Variants in LRRD1 observed in about 807,000 individuals in gnomAD.
LRRD1 encodes the protein leucine-rich repeat and death domain-containing protein 1.
In LRRD1, 49 loss-of-function variants were observed where a neutral mutation model predicts 69.5. The ratio of observed to expected loss-of-function variants is 0.70; its 90% CI spans 0.56 to 0.89. The LOEUF is 0.89. LRRD1 is among the 40% of genes least tolerant of loss of function. The probability of loss-of-function intolerance (pLI) is 0.00; values close to 1 mark genes in which losing one functional copy is unlikely to be tolerated. For missense variants in LRRD1, 853 were observed against 956.0 expected (o/e 0.89, Z 1.42); for synonymous variants, 303 against 338.9 (o/e 0.89, Z 1.16).
At chr7:92,170,320 A>C (rs1563194611) in intron 1 of LRRD1, among the ~76,000 whole-genome samples, 2 of 152,180 alleles carry the variant, frequency 1.3e-5, no homozygotes, top group Non-Finnish European at 2.9e-5. Flanking sequence ...AGAGGTAGAA[A>C]TCTTATTGAA....
chr7:92,166,583 AC>A (rs1489124102), intron 1 of LRRD1, among the ~76,000 whole-genome samples: 2 of 152,214 alleles, frequency 1.3e-5, no homozygotes, highest in African/African-American at 2.4e-5. Context: ...TAAAAAGCAT[AC>A]TACTTCATGA....
intron 1 of LRRD1, among the ~76,000 whole-genome samples, chr7:92,166,711 G>A (rs755910087): frequency 1.8e-4 from 27 of 152,160 alleles, no homozygotes; most frequent in Non-Finnish European, 3.2e-4. Flanking sequence ...AATAGATGTA[G>A]AAGTACTTGA....
chr7:92,154,697 GTTAT>G (rs548544140), intron 3 of LRRD1, among the ~76,000 whole-genome samples: 111 of 152,124 alleles, frequency 7.3e-4, no homozygotes, highest in African/African-American at 2.5e-3. Context: ...TTATATTGTG[GTTAT>G]TTATTTGTTT....
At chr7:92,175,149 T>C (rs1260509270) in intron 1 of LRRD1, among the ~76,000 whole-genome samples, 1 of 152,178 alleles carries the variant, frequency 6.6e-6, no homozygotes, top group Non-Finnish European at 1.5e-5. Flanking sequence ...TCAAAATATG[T>C]AGTTTATGGT....
chr7:92,148,284 C>A (rs751060686), intron 4 of LRRD1, among the ~76,000 whole-genome samples: 13 of 152,110 alleles, frequency 8.5e-5, no homozygotes, highest in Non-Finnish European at 1.9e-4. Context: ...ATTGCCCAAG[C>A]TGGTCTCGAA....
chr7:92,141,674 T>C (rs1820149563), downstream of LRRD1: 3 of 152,190 alleles, frequency 2.0e-5, no homozygotes, highest in Admixed American at 1.3e-4. Flanking sequence ...TAATGTTCTA[T>C]GGAAGTACCT....
At chr7:92,176,014 C>G (rs2131029015) in intron 1 of LRRD1, among the ~76,000 whole-genome samples, 1 of 152,268 alleles carries the variant, frequency 6.6e-6, no homozygotes, top group East Asian at 1.9e-4. Context: ...ATCTGGATAT[C>G]TGGTAGAGAA....
intron 3 of LRRD1, among the ~76,000 whole-genome samples, chr7:92,156,376 G>A (rs553969213): frequency 3.5e-4 from 54 of 152,278 alleles, no homozygotes; most frequent in African/African-American, 1.3e-3. Context: ...TTGGAATTGA[G>A]TTGAATTTAA....
downstream of LRRD1, among the ~76,000 whole-genome samples, chr7:92,144,365 A>T (rs1820258012): frequency 6.6e-6 from 1 of 152,206 alleles, no homozygotes; most frequent in African/African-American, 2.4e-5. Context: ...ATGGTGGCTC[A>T]CACCTGTAAT....
rs1241014211 is a variant in LRRD1 at position 92,159,137 on chromosome 7, C to T, written c.1984G>A (p.Ala662Thr). The stretch of plus-strand genomic sequence containing the variant: ...ATATTTCTTGGAATCTCTCTGATTG[C>T]ATTATTTGAGATATCAAGTTCTTTA... ...QLKELDISNN[A>T]IREIPRNIGE... The change falls in exon 3 of 6, where the codon GCA becomes ACA. Residue 662 changes from alanine to threonine, a missense_variant. Physicochemically the swap from Ala to Thr is moderately conservative, Grantham distance 58. Around this residue, in one of 3 missense-constraint regions of LRRD1, gnomAD observed 739 missense variants for 808.0 expected, o/e 0.91. Transcript: ENST00000458448. 1 of 1,546,040 alleles carries T rather than the reference C, an allele frequency of 6.5e-7. No individual in the cohort carries two copies. Among genetic ancestry groups the T allele is most frequent in the Non-Finnish European group, 8.7e-7 (1 of 1,145,042 alleles).
chr7:92,150,710 T>C lies in LRRD1; in HGVS notation c.2117-15A>G, dbSNP rs1820445697. 6.7e-7 allele frequency: 1 copy of C among 1,500,334 alleles called. No individual in the cohort carries two copies. Among genetic ancestry groups the C allele is most frequent in the Admixed American group, 2.1e-5 (1 of 47,022 alleles). 92.9% of individuals were successfully genotyped at this position (1,500,334 alleles called of 1,614,324 possible). A position where few individuals can be genotyped will look rare whatever the true frequency, so the allele number is the denominator to read the frequency against. ...CAGATTATTTCCTAGTAGAAAAAAATTAGAATTGAATTACATCTTTCTATA... is the reference window on the plus strand; with the variant it reads ...CAGATTATTTCCTAGTAGAAAAAAACTAGAATTGAATTACATCTTTCTATA... On this transcript the variant is annotated splice_polypyrimidine_tract_variant and intron_variant, in intron 3 of 5. Coordinates refer to ENST00000458448, the MANE Select transcript of LRRD1 (RefSeq NM_001161528.2).
At chr7:92,145,872 G>A (rs889629516) in intron 5 of LRRD1, among the ~76,000 whole-genome samples, 3 of 152,206 alleles carry the variant, frequency 2.0e-5, no homozygotes, top group Non-Finnish European at 4.4e-5. Flanking sequence ...AGCCAGTTGT[G>A]AGTAAAAGTC....
intron 3 of LRRD1, among the ~76,000 whole-genome samples, chr7:92,151,590 G>A (rs1021291878): frequency 6.6e-6 from 1 of 152,206 alleles, no homozygotes; most frequent in South Asian, 2.1e-4. Context: ...CCCTCAAGGG[G>A]GAGTGGGAAT....
At chr7:92,144,579 A>G (rs759543208), downstream of LRRD1, among the ~76,000 whole-genome samples, 8 of 150,522 alleles carry the variant, frequency 5.3e-5, no homozygotes, top group Non-Finnish European at 1.0e-4. Flanking sequence ...GTGAGCCAAG[A>G]TCACACCACT....
chr7:92,178,821 G>A (rs1470425173), intron 1 of LRRD1, 186 bp downstream of exon 1: 1 of 152,130 alleles, frequency 6.6e-6, no homozygotes, highest in East Asian at 1.9e-4. Flanking sequence ...GCACATTCAG[G>A]GAGTTACAGT....
intron 1 of LRRD1, among the ~76,000 whole-genome samples, chr7:92,174,716 C>T (rs1442471666): frequency 4.7e-5 from 7 of 148,676 alleles, no homozygotes; most frequent in Admixed American, 2.7e-4. Flanking sequence ...CCATGACGTC[C>T]GGTCCTAAAA....
Position 92,144,981 on chromosome 7 carries a change from A to ATC in LRRD1, c.2488_2489dup (p.Asp830GlufsTer4), listed in dbSNP as rs1563187436. 2 of 1,546,162 alleles carry ATC rather than the reference A, an allele frequency of 1.3e-6. No individual in the cohort carries two copies. On this transcript the variant is annotated frameshift_variant, in exon 6 of 6. Transcript: ENST00000458448. LOFTEE classifies it high-confidence loss of function. ...TCATAGTTAGTGCTCGAATTAGTTG[A>ATC]TCTCTTAAAGCAGCAGCAGTTAGTG...
intron 1 of LRRD1, among the ~76,000 whole-genome samples, chr7:92,175,082 C>T (rs1405692837): frequency 1.3e-5 from 2 of 151,544 alleles, no homozygotes; most frequent in Non-Finnish European, 2.9e-5. Flanking sequence ...AAAAACAAAA[C>T]ACAAAACACA....
At position 92,151,052 on chromosome 7, in the gene LRRD1, C is replaced by T. The variant is rs186505747; in HGVS notation, c.2117-357G>A. ...TTGTAGCAAGTTCTTCTGCATTCCT[C>T]ATCTAGCTTTAGTTTCTCCTAATGT... On this transcript the variant is annotated intron_variant, in intron 3 of 5. Transcript: ENST00000458448. Among the ~76,000 whole-genome samples, 363 of 152,338 alleles carry T rather than the reference C, an allele frequency of 2.4e-3. 2 individuals are homozygous for T. The highest frequency in any genetic ancestry group is 8.2e-3 in the African/African-American group (340 of 41,576).
Sources: allele counts gnomAD v4.1 joint callset (sites outside exome capture counted in the v4.1 genomes callset), GRCh38; gene constraint gnomAD v4.1.1; regional missense constraint gnomAD v4.1.1; transcripts MANE v1.5; gene names NCBI Gene and HGNC (gene_info 2026-07-23, HGNC 2026-07-21).